Variants in GPC6 observed in about 807,000 individuals in gnomAD.
GPC6 encodes the protein glypican 6.
A neutral mutation model predicts 55.2 loss-of-function variants in GPC6; 14 were observed. The observed-to-expected ratio is 0.25, with a 90% CI of 0.17 to 0.40. GPC6 has a LOEUF of 0.40. Ranked by LOEUF, GPC6 falls within the 10% of genes least tolerant of loss-of-function variation. The probability of loss-of-function intolerance (pLI) is 1.00; values close to 1 mark genes in which losing one functional copy is unlikely to be tolerated. For missense variants in GPC6, 641 were observed against 708.5 expected (o/e 0.90, Z 1.08); for synonymous variants, 278 against 259.6 (o/e 1.07, Z -0.68).
chr13:93,717,932 A>G lies in GPC6; in HGVS notation c.320-112222A>G, dbSNP rs1883308911. On this transcript the variant is annotated intron_variant, in intron 2 of 8. Coordinates refer to ENST00000377047, the MANE Select transcript of GPC6 (RefSeq NM_005708.5). The stretch of plus-strand genomic sequence containing the variant: ...AGCTTCATTCATGTCTCTGCATAGG[A>G]CATGAACTCATTCTTTTTTATGGCT... Among the ~76,000 whole-genome samples, 2 of 151,894 alleles carry G rather than the reference A, an allele frequency of 1.3e-5. 1 individual carries two copies. Among genetic ancestry groups the G allele is most frequent in the South Asian group, 4.1e-4 (2 of 4,820 alleles).
intron 2 of GPC6, among the ~76,000 whole-genome samples, chr13:93,773,521 C>T (rs1885367623): frequency 6.6e-6 from 1 of 152,002 alleles, no homozygotes; most frequent in Non-Finnish European, 1.5e-5. Context: ...TGGTCCATTC[C>T]TCATCCTTCT....
chr13:93,869,849 G>C (rs1343588437), intron 3 of GPC6, among the ~76,000 whole-genome samples: 4 of 151,372 alleles, frequency 2.6e-5, no homozygotes, highest in African/African-American at 9.8e-5. Flanking sequence ...GAATGAAAGA[G>C]ATAAGGAAAT....
chr13:94,211,115 C>A (rs1412855100), intron 4 of GPC6, among the ~76,000 whole-genome samples: 13 of 152,272 alleles, frequency 8.5e-5, no homozygotes, highest in Admixed American at 1.3e-4. Context: ...TACTTATATT[C>A]AAAACTGTCA....
intron 4 of GPC6, among the ~76,000 whole-genome samples, chr13:94,137,626 G>T (rs1389605427): frequency 6.6e-6 from 1 of 152,072 alleles, no homozygotes; most frequent in Non-Finnish European, 1.5e-5. Flanking sequence ...TACTGTGATG[G>T]TTGCTATATG....
chr13:93,620,590 A>G (rs1229162249), intron 2 of GPC6, among the ~76,000 whole-genome samples: 2 of 152,208 alleles, frequency 1.3e-5, no homozygotes, highest in African/African-American at 2.4e-5. Flanking sequence ...TTCAATTACC[A>G]TTAAGTTCAT....
At chr13:94,085,296 T>C (rs1885237654) in intron 4 of GPC6, among the ~76,000 whole-genome samples, 1 of 117,944 alleles carries the variant, frequency 8.5e-6, no homozygotes, top group Non-Finnish European at 1.6e-5. Flanking sequence ...CACTCCAGCC[T>C]GGGTGACAGA....
chr13:93,650,475 AAAAAAAGTCAAAGCTGCGAACTG>A (rs1417190134), intron 2 of GPC6, among the ~76,000 whole-genome samples: 2 of 85,430 alleles, frequency 2.3e-5, no homozygotes, highest in Admixed American at 1.4e-4. Flanking sequence ...AGGAATGGAA[AAAAAAAGTCAAAGCTGCGAACTG>A]AAAAAAAATA....
At chr13:93,545,508 A>G in intron 2 of GPC6, 87 bp downstream of exon 2, 1 of 1,158,590 alleles carries the variant, frequency 8.6e-7, no homozygotes, top group Non-Finnish European at 1.3e-6. Flanking sequence ...TTTTTTTAAA[A>G]AGGGAGCTTT....
intron 2 of GPC6, among the ~76,000 whole-genome samples, chr13:93,619,364 G>A (rs919437992): frequency 6.6e-6 from 1 of 152,068 alleles, no homozygotes; most frequent in Non-Finnish European, 1.5e-5. Context: ...TAAATAAAAG[G>A]GAACTGTTTC....
intron 3 of GPC6, among the ~76,000 whole-genome samples, chr13:93,985,723 G>A (rs987619730): frequency 7.7e-5 from 11 of 143,320 alleles, no homozygotes; most frequent in African/African-American, 2.3e-4. Flanking sequence ...ATTAAAAAAC[G>A]GAGATTGCCC....
At chr13:94,291,228 T>C (rs1594137800) in intron 5 of GPC6, among the ~76,000 whole-genome samples, 2 of 149,374 alleles carry the variant, frequency 1.3e-5, no homozygotes, top group Non-Finnish European at 3.0e-5. Flanking sequence ...AAAAAAGGGA[T>C]AATATAGGGC....
At chr13:93,380,685 T>A (rs1407908099) in intron 1 of GPC6, among the ~76,000 whole-genome samples, 1 of 152,140 alleles carries the variant, frequency 6.6e-6, no homozygotes, top group Non-Finnish European at 1.5e-5. Context: ...GGGGTGCCAC[T>A]GTCATGGAAA....
intron 4 of GPC6, among the ~76,000 whole-genome samples, chr13:94,151,457 G>T (rs1251833527): frequency 6.6e-6 from 1 of 152,102 alleles, no homozygotes; most frequent in East Asian, 1.9e-4. Flanking sequence ...GGCTTCTCTT[G>T]TAAGTGAGCA....
chr13:94,358,451 A>T (rs1878905354), intron 6 of GPC6, among the ~76,000 whole-genome samples: 1 of 152,170 alleles, frequency 6.6e-6, no homozygotes, highest in African/African-American at 2.4e-5. Context: ...ATAGGCTTAG[A>T]AGAAGTGAAA....
At chr13:94,343,932 T>C (rs893415740) in intron 6 of GPC6, among the ~76,000 whole-genome samples, 2 of 152,134 alleles carry the variant, frequency 1.3e-5, no homozygotes, top group Non-Finnish European at 2.9e-5. Flanking sequence ...GGTCTCACTA[T>C]GTTGCCCAGG....
chr13:94,357,327 C>T (rs1878847413), intron 6 of GPC6, among the ~76,000 whole-genome samples: 2 of 152,130 alleles, frequency 1.3e-5, no homozygotes, highest in Non-Finnish European at 1.5e-5. Context: ...AGCCCCAACA[C>T]CAGCTCACTC....
At chr13:93,623,657 A>G (rs764104247) in intron 2 of GPC6, among the ~76,000 whole-genome samples, 30 of 151,424 alleles carry the variant, frequency 2.0e-4, no homozygotes, top group Non-Finnish European at 2.9e-4. Context: ...GCAGGGTTTC[A>G]CCATGTTAGC....
intron 1 of GPC6, among the ~76,000 whole-genome samples, chr13:93,532,093 T>A (rs1253505521): frequency 6.6e-6 from 1 of 152,266 alleles, no homozygotes. Flanking sequence ...CTTCCTGTTT[T>A]GCCCAAGTGA....
At chr13:93,945,150 T>C (rs1878943258) in intron 3 of GPC6, among the ~76,000 whole-genome samples, 1 of 152,164 alleles carries the variant, frequency 6.6e-6, no homozygotes, top group Non-Finnish European at 1.5e-5. Context: ...AAAAAGAAAG[T>C]ATGCATATAT....
Sources: gnomAD v4.1 joint callset for allele counts (sites outside exome capture counted in the v4.1 genomes callset) on GRCh38, gnomAD v4.1.1 for gene constraint, MANE v1.5 for transcripts, NCBI Gene and HGNC (gene_info 2026-07-23, HGNC 2026-07-21) for gene names.